Variants in TBCE observed in about 807,000 individuals in gnomAD.
TBCE encodes tubulin folding cofactor E, also known as tubulin-specific chaperone E.
In TBCE, 53 loss-of-function variants were observed where a neutral mutation model predicts 77.0. The ratio of observed to expected loss-of-function variants is 0.69; its 90% CI spans 0.55 to 0.87. The LOEUF (loss-of-function observed/expected upper bound fraction) is 0.87. Among genes scored for constraint, TBCE ranks in the 40% least tolerant of loss-of-function variants. The pLI, the probability that TBCE is intolerant of heterozygous loss-of-function variation, is 0.00. For missense variants in TBCE, 624 were observed against 622.4 expected (o/e 1.00, Z -0.03); for synonymous variants, 235 against 241.3 (o/e 0.97, Z 0.24).
Position 235,436,554 on chromosome 1 carries a change from G to A in TBCE, c.909G>A (p.Thr303=), listed in dbSNP as rs202063874. The A allele has an allele frequency of 1.1e-4, 175 of 1,613,792 alleles. No individual in the cohort carries two copies. Among genetic ancestry groups the A allele is most frequent in the African/African-American group, 2.8e-4 (21 of 74,948 alleles). ...HFPDAGIGCK[T]SMFPSLKYLV... is the part of the protein sequence containing the mutation. ...TTCCTCTTTTTATAGGGTGCAAAACGTCCATGTTCCCATCCTTGAAGTACC... is the reference window on the plus strand; with the variant it reads ...TTCCTCTTTTTATAGGGTGCAAAACATCCATGTTCCCATCCTTGAAGTACC... The change falls in exon 11 of 17, where the codon ACG becomes ACA. Residue 303 remains threonine (T), a synonymous_variant. Coordinates refer to ENST00000642610, the MANE Select transcript of TBCE (RefSeq NM_003193.5).
chr1:235,422,829 CAAAA>C (rs913849958), intron 5 of TBCE, among the ~76,000 whole-genome samples: 4 of 151,928 alleles, frequency 2.6e-5, no homozygotes, highest in Non-Finnish European at 5.9e-5. Context: ...GACTCCGTCT[CAAAA>C]AAAAGGACAG....
chr1:235,414,794 C>A, intron 4 of TBCE, 176 bp downstream of exon 4: 1 of 656,758 alleles, frequency 1.5e-6, no homozygotes, highest in Admixed American at 2.6e-5. Context: ...AATTAAAATT[C>A]TTATGTTAGC....
chr1:235,408,503 G>C (rs1679593590), intron 3 of TBCE, among the ~76,000 whole-genome samples: 1 of 113,398 alleles, frequency 8.8e-6, no homozygotes, highest in African/African-American at 4.1e-5. Context: ...TCAAAAAGGT[G>C]GTAGCTCTGC....
intron 15 of TBCE, among the ~76,000 whole-genome samples, chr1:235,443,133 T>G (rs1682010352): frequency 6.6e-6 from 1 of 151,754 alleles, no homozygotes; most frequent in African/African-American, 2.4e-5. Context: ...CTGAAAGCAG[T>G]TCTGTTAAAA....
At chr1:235,408,147 T>G (rs2102869811) in intron 3 of TBCE, among the ~76,000 whole-genome samples, 1 of 152,330 alleles carries the variant, frequency 6.6e-6, no homozygotes, top group African/African-American at 2.4e-5. Context: ...TGGTTGACAA[T>G]TTAAGAAACA....
At chr1:235,373,483 G>T (rs908033167) in intron 1 of TBCE, among the ~76,000 whole-genome samples, 6 of 151,750 alleles carry the variant, frequency 4.0e-5, no homozygotes, top group Admixed American at 2.6e-4. Flanking sequence ...TCACTCTGTG[G>T]CCCAGTCTGG....
At chr1:235,416,415 A>G (rs1003132000) in intron 4 of TBCE, among the ~76,000 whole-genome samples, 1 of 151,918 alleles carries the variant, frequency 6.6e-6, no homozygotes, top group Non-Finnish European at 1.5e-5. Flanking sequence ...AGTCCCAACT[A>G]TTTGGGAAGC....
chr1:235,392,512 G>A (rs1424166194), intron 2 of TBCE, among the ~76,000 whole-genome samples: 2 of 147,640 alleles, frequency 1.4e-5, no homozygotes, highest in African/African-American at 2.5e-5. Context: ...CTGGATTCAA[G>A]CAATTCTCCT....
At chr1:235,433,145 C>G (rs533854514) in intron 7 of TBCE, 3 of 1,469,392 alleles carry the variant, frequency 2.0e-6, no homozygotes, top group South Asian at 2.7e-5. Context: ...AAAACCTGTG[C>G]TATCTGCAGG....
intron 3 of TBCE, among the ~76,000 whole-genome samples, chr1:235,412,042 A>G (rs1018665736): frequency 7.2e-6 from 1 of 139,330 alleles, no homozygotes; most frequent in Admixed American, 7.1e-5. Context: ...TTAGCATTGG[A>G]CATGGTTGTT....
intron 2 of TBCE, among the ~76,000 whole-genome samples, chr1:235,394,509 A>G (rs1031295831): frequency 7.3e-6 from 1 of 136,840 alleles, no homozygotes; most frequent in Non-Finnish European, 1.5e-5. Flanking sequence ...CACTGTAACT[A>G]TAGCTTCTGC....
In TBCE at chr1:235,450,149, G is replaced by A; in HGVS notation, c.*1387G>A. 6.3e-7 allele frequency: 1 copy of A among 1,598,420 alleles called. No individual in the cohort carries two copies. Among genetic ancestry groups the A allele is most frequent in the Non-Finnish European group, 8.6e-7 (1 of 1,166,998 alleles). Reference sequence around the variant, plus strand: ...CTAAACCCTGGGACTCCTCAGACTTGCACTCAGATTATCGTTTGCCTGCCC... The same window carrying A: ...CTAAACCCTGGGACTCCTCAGACTTACACTCAGATTATCGTTTGCCTGCCC... On this transcript the variant is annotated 3_prime_UTR_variant, in exon 17 of 17. Transcript: ENST00000642610.
intron 1 of TBCE, among the ~76,000 whole-genome samples, chr1:235,376,421 T>C (rs1677300797): frequency 1.3e-5 from 2 of 152,162 alleles, no homozygotes; most frequent in African/African-American, 4.8e-5. Flanking sequence ...AGCCTCAGAC[T>C]GATTATGGGG....
At chr1:235,376,203 T>C (rs368728166) in intron 1 of TBCE, among the ~76,000 whole-genome samples, 42 of 152,266 alleles carry the variant, frequency 2.8e-4, no homozygotes, top group African/African-American at 9.6e-4. Flanking sequence ...GGATCAAGCA[T>C]GTGAAGGAAT....
intron 3 of TBCE, among the ~76,000 whole-genome samples, chr1:235,413,580 T>C (rs1310091996): frequency 1.6e-4 from 24 of 151,606 alleles, no homozygotes; most frequent in African/African-American, 5.8e-4. Flanking sequence ...GGAGAACTGC[T>C]TGAACCCAGG....
rs571100508 is a variant in TBCE, at chr1:235,404,385, C to T, written c.185+2798C>T. Reference sequence around the variant, plus strand: ...TAGGATTGTTTAAGCCCAGGAGTTTCAAGACCAGCCTAGGCAACACAATGA... The same window carrying T: ...TAGGATTGTTTAAGCCCAGGAGTTTTAAGACCAGCCTAGGCAACACAATGA... On this transcript the variant is annotated intron_variant, in intron 3 of 16. Transcript: ENST00000642610. Among the ~76,000 whole-genome samples the T allele has an allele frequency of 4.0e-3, 599 of 151,216 alleles. 4 individuals carry two copies. The highest frequency in any genetic ancestry group is 0.014 in the African/African-American group (571 of 41,154).
intron 1 of TBCE, among the ~76,000 whole-genome samples, chr1:235,372,338 G>T (rs866911901): frequency 6.6e-6 from 1 of 152,144 alleles, no homozygotes; most frequent in African/African-American, 2.4e-5. Context: ...GATTACAGGC[G>T]TGAGCCACCG....
At chr1:235,403,585 A>T (rs1469423421) in intron 3 of TBCE, among the ~76,000 whole-genome samples, 2 of 152,278 alleles carry the variant, frequency 1.3e-5, no homozygotes, top group African/African-American at 4.8e-5. Flanking sequence ...CCATACTTTT[A>T]TGGTCTTTAA....
In TBCE at chr1:235,419,504, A is replaced by C. The variant is rs141117231; in HGVS notation, c.403A>C (p.Arg135=). ...GAGCAAGTTGCAAGAAGTTTCTCTG[A>C]GGAACTGTGCAGTAAGTTGTGCTGG... The part of the protein sequence containing the change: ...QLSKLQEVSL[R]NCAVSCAGEK... Residue 135 remains arginine (R), a synonymous_variant, in exon 5 of 17, where the codon AGG becomes CGG. Transcript: ENST00000642610. 71 of 1,613,980 alleles carry C rather than the reference A, an allele frequency of 4.4e-5. No individual in the cohort carries two copies. In the African/African-American group the frequency reaches 7.5e-4, roughly 17 times the overall value.
Sources: gnomAD v4.1 joint callset for allele counts (sites outside exome capture counted in the v4.1 genomes callset) on GRCh38, gnomAD v4.1.1 for gene constraint, MANE v1.5 for transcripts, NCBI Gene and HGNC (gene_info 2026-07-23, HGNC 2026-07-21) for gene names.